The following PIEZO1 variants were observed in gnomAD, a reference collection of about 807,000 sequenced individuals.
The protein encoded by PIEZO1 is piezo type mechanosensitive ion channel component 1 (Er blood group).
In PIEZO1, 296 loss-of-function variants were observed where a neutral mutation model predicts 297.2. The observed-to-expected ratio is 1.00, with a 90% CI of 0.91 to 1.10. PIEZO1 has a LOEUF of 1.10. Among genes scored for constraint, PIEZO1 ranks in the 50% least tolerant of loss-of-function variants. The pLI is 0.00. For synonymous variants in PIEZO1, 2,427 were observed against 1,507.5 expected, an observed-to-expected ratio of 1.61 and a Z score of -14.13; for missense variants, 5,018 against 3,455.5, an observed-to-expected ratio of 1.45 and a Z score of -11.34.
chr16:88,741,445 T>G (rs1355316093), intron 5 of PIEZO1, 33 bp downstream of exon 5: 1 of 1,512,978 alleles, frequency 6.6e-7, no homozygotes, highest in Non-Finnish European at 8.8e-7. Flanking sequence ...TCGAATGACC[T>G]CCCTGACACA....
chr16:88,716,269 G>A lies in PIEZO1; in HGVS notation c.7058C>T (p.Pro2353Leu). The change falls in exon 49 of 51, where the codon CCT becomes CTT. Residue 2353 changes from proline to leucine, a missense_variant. Physicochemically the swap from Pro to Leu is moderately conservative, Grantham distance 98. Coordinates refer to ENST00000301015, the MANE Select transcript of PIEZO1 (RefSeq NM_001142864.4). The stretch of plus-strand genomic sequence containing the variant: ...ACGGATGTACTTGGGGAAGAGATTA[G>A]GGATGACCCTGCAGGGAGGTGCTGG... ...EGTSDQSVVI[P>L]NLFPKYIRAP... The A allele has an allele frequency of 1.3e-6, 2 of 1,491,194 alleles. No individual in the cohort carries two copies. Among genetic ancestry groups the A allele is most frequent in the Non-Finnish European group, 1.8e-6 (2 of 1,115,686 alleles). The allele number at this position is 1,491,194 out of a possible 1,614,324, so 92.4% of individuals were successfully genotyped here.
chr16:88,755,965 C>T (rs1002108587), intron 1 of PIEZO1, among the ~76,000 whole-genome samples: 7 of 152,138 alleles, frequency 4.6e-5, no homozygotes, highest in Non-Finnish European at 1.0e-4. Context: ...GCGGGGAGGG[C>T]GGGGGCCACC....
chr16:88,738,717 A>G lies in PIEZO1; in HGVS notation c.485T>C (p.Val162Ala), dbSNP rs1349025549. ...PRELDDDERDVDASPTAGLQE... is the reference protein window; with the variant it reads ...PRELDDDERDADASPTAGLQE... Reference sequence around the variant, plus strand: ...CAGCCCTGCCGTCGGGCTGGCATCCACATCCCTCTCATCATCATCCTGCCA... The same window carrying G: ...CAGCCCTGCCGTCGGGCTGGCATCCGCATCCCTCTCATCATCATCCTGCCA... The change falls in exon 6 of 51, where the codon GTG becomes GCG. Residue 162 changes from valine (V) to alanine (A), a missense_variant. Transcript: ENST00000301015. 2.6e-6 allele frequency: 4 copies of G among 1,532,766 alleles called. No homozygotes were observed. The Admixed American group carries it at 7.9e-5, about 30-fold the overall frequency. The allele number at this position is 1,532,766 out of a possible 1,614,324, so 94.9% of individuals were successfully genotyped here.
At chr16:88,725,799 T>C in intron 27 of PIEZO1, 115 bp from the exon 28 acceptor site, 1 of 651,822 alleles carries the variant, frequency 1.5e-6, no homozygotes, top group Non-Finnish European at 2.8e-6. Flanking sequence ...CTGCCCACGC[T>C]GGACAAGAGG....
In PIEZO1 at chr16:88,716,962, C is replaced by T. The variant is rs1332718742; in HGVS notation, c.6660+61G>A. On this transcript the variant is annotated intron_variant, in intron 45 of 50. Coordinates refer to ENST00000301015, the MANE Select transcript of PIEZO1 (RefSeq NM_001142864.4). ...CGTGGAGGAGCGGCTGGGGGTGGTG[C>T]ACCACCTTGGCCAGAACCCCCAGGG... 27 of 1,545,246 alleles carry T rather than the reference C, an allele frequency of 1.7e-5. No homozygotes were observed. In the East Asian group the frequency reaches 3.9e-4, roughly 22 times the overall value.
In PIEZO1 at chr16:88,715,690, T is replaced by C. The variant is rs914014470; in HGVS notation, c.7481A>G (p.Glu2494Gly). ...IFLVRETREL[E>G]LEEELYAKLI... ...CTTGGCGTACAACTCCTCCTCCAGCTCCAGCTCCCGAGTCTCCCGCACCAG... is the reference window on the plus strand; with the variant it reads ...CTTGGCGTACAACTCCTCCTCCAGCCCCAGCTCCCGAGTCTCCCGCACCAG... Residue 2494 changes from glutamate (E) to glycine (G), a missense_variant, in exon 51 of 51, where the codon GAG (glutamate) becomes GGG (glycine). By Grantham distance (98) the Glu-to-Gly change is moderately conservative. Coordinates refer to ENST00000301015, the MANE Select transcript of PIEZO1 (RefSeq NM_001142864.4). 9.7e-6 allele frequency: 15 copies of C among 1,550,242 alleles called. No individual in the cohort carries two copies. The highest frequency in any genetic ancestry group is 2.7e-5 in the African/African-American group (2 of 73,052).
intron 1 of PIEZO1, among the ~76,000 whole-genome samples, chr16:88,774,438 C>T (rs757528114): frequency 5.9e-5 from 9 of 152,168 alleles, no homozygotes; most frequent in African/African-American, 1.4e-4. Flanking sequence ...GAAAGACACC[C>T]GTGGGTGCTG....
intron 19 of PIEZO1, 85 bp from the exon 20 acceptor site, chr16:88,732,817 G>A: frequency 7.3e-7 from 1 of 1,361,046 alleles, no homozygotes; most frequent in Non-Finnish European, 9.9e-7. Flanking sequence ...CCACAGCTCT[G>A]GGGCAGGTCC....
chr16:88,716,138 A>G lies in PIEZO1; in HGVS notation c.7130-19T>C. On this transcript the variant is annotated intron_variant, in intron 49 of 50. Transcript: ENST00000301015. Reference sequence around the variant, plus strand: ...TCCTCATCTGGGATGGAGGGAGAAGATCGTTGAGGCCGCAGGTCACCCCTC... The same window carrying G: ...TCCTCATCTGGGATGGAGGGAGAAGGTCGTTGAGGCCGCAGGTCACCCCTC... 6.5e-7 allele frequency: 1 copy of G among 1,534,556 alleles called. No homozygotes were observed. The highest frequency in any genetic ancestry group is 8.8e-7 in the Non-Finnish European group (1 of 1,136,228).
Position 88,723,018 on chromosome 16 carries a change from G to A in PIEZO1, c.4496-9C>T. On this transcript the variant is annotated splice_polypyrimidine_tract_variant and intron_variant, in intron 33 of 50. Transcript: ENST00000301015. ...CACCACATGGCTCCGGCCTGCGGGA[G>A]GGCGGGAGGGGGCGCTGGAGGGGCA... The A allele has an allele frequency of 1.3e-6, 2 of 1,543,632 alleles. No individual in the cohort carries two copies. Among genetic ancestry groups the A allele is most frequent in the East Asian group, 2.4e-5 (1 of 40,832 alleles).
intron 1 of PIEZO1, among the ~76,000 whole-genome samples, chr16:88,760,562 G>A (rs1906882964): frequency 6.6e-6 from 1 of 152,210 alleles, no homozygotes; most frequent in African/African-American, 2.4e-5. Context: ...AGACAGGCAG[G>A]GATCCGAGGG....
At chr16:88,755,201 A>AGCCGCCCCC (rs1013104671) in intron 1 of PIEZO1, among the ~76,000 whole-genome samples, 15 of 152,164 alleles carry the variant, frequency 9.9e-5, no homozygotes, top group East Asian at 7.7e-4. Context: ...TGCGGCGAAC[A>AGCCGCCCCC]GCCGCCCCCG....
At position 88,723,161 on chromosome 16, in the gene PIEZO1, G is replaced by A. The variant is rs751074721; in HGVS notation, c.4439-10C>T. 1.9e-5 allele frequency: 29 copies of A among 1,549,334 alleles called. No individual in the cohort carries two copies. The highest frequency in any genetic ancestry group is 2.3e-5 in the Non-Finnish European group (26 of 1,146,832). Reference sequence around the variant, plus strand: ...TGGCTGGGACCACCTCCTGGGCACAGGATGCTGGTGAGTGACTGGCAGTCC... The same window carrying A: ...TGGCTGGGACCACCTCCTGGGCACAAGATGCTGGTGAGTGACTGGCAGTCC... On this transcript the variant is annotated splice_polypyrimidine_tract_variant and intron_variant, in intron 32 of 50. Transcript: ENST00000301015.
chr16:88,721,869 G>GC lies in PIEZO1; in HGVS notation c.5152dup (p.Ala1718GlyfsTer63). On this transcript the variant is annotated frameshift_variant, in exon 37 of 51. Coordinates refer to ENST00000301015, the MANE Select transcript of PIEZO1 (RefSeq NM_001142864.4). LOFTEE classifies it high-confidence loss of function. ...GCTGGGCCTCGGGATCGACAGCATG[G>GC]CCCACAGGAAGACGAGCACGGGCAG... The GC allele has an allele frequency of 6.5e-7, 1 of 1,549,958 alleles. No homozygotes were observed. Among genetic ancestry groups the GC allele is most frequent in the East Asian group, 2.4e-5 (1 of 40,902 alleles).
Position 88,722,636 on chromosome 16 carries a change from C to G in PIEZO1, c.4722G>C (p.Glu1574Asp). ...VLDQLYTSQA[E>D]ATLPGPTEAP... The stretch of plus-strand genomic sequence containing the variant: ...CCTCGGTGGGGCCTGGCAGCGTGGC[C>G]TCGGCCTGGCTTGTGTACAGCTGAT... Residue 1574 changes from glutamate to aspartate, a missense_variant, in exon 35 of 51, where the codon GAG (glutamate) becomes GAC (aspartate). Physicochemically the swap from Glu to Asp is conservative, Grantham distance 45. Transcript: ENST00000301015. 6.5e-7 allele frequency: 1 copy of G among 1,538,556 alleles called. No homozygotes were observed. The highest frequency in any genetic ancestry group is 8.7e-7 in the Non-Finnish European group (1 of 1,146,170).
intron 1 of PIEZO1, among the ~76,000 whole-genome samples, chr16:88,778,239 C>A (rs982539201): frequency 1.3e-5 from 2 of 152,180 alleles, no homozygotes; most frequent in East Asian, 3.9e-4. Flanking sequence ...CACCGAGAGC[C>A]GGCCTTGTTC....
rs566700909 is a variant in PIEZO1 at position 88,736,947 on chromosome 16, G to A, written c.1196-208C>T. 78 of 465,194 alleles carry A rather than the reference G, an allele frequency of 1.7e-4. 1 individual carries two copies. In the South Asian group the frequency reaches 2.2e-3, roughly 13 times the overall value. The allele number at this position is 465,194 out of a possible 1,614,324, so 28.8% of individuals were successfully genotyped here. On this transcript the variant is annotated intron_variant, in intron 10 of 50. Coordinates refer to ENST00000301015, the MANE Select transcript of PIEZO1 (RefSeq NM_001142864.4). ...GCCCTGCCAGCACCTGCCGTTCTCT[G>A]GGCCTCACTTTCCTTGAAAGGGTGG...
intron 1 of PIEZO1, among the ~76,000 whole-genome samples, chr16:88,752,180 C>A (rs115256545): frequency 2.0e-5 from 3 of 152,320 alleles, no homozygotes; most frequent in South Asian, 4.1e-4. Flanking sequence ...CCCTTCAATG[C>A]GGCTAACGTG....
In PIEZO1 at chr16:88,742,094, G is replaced by A; in HGVS notation, c.285C>T (p.Cys95=). Residue 95 remains cysteine (C), a splice_region_variant and synonymous_variant, in exon 4 of 51, where the codon TGC becomes TGT. Coordinates refer to ENST00000301015, the MANE Select transcript of PIEZO1 (RefSeq NM_001142864.4). Reference sequence around the variant, plus strand: ...GTCGCGAGAGGGTCTCCCAGCGGCTGCCTGCAGAGAAAGACGGGGGAACCC... The same window carrying A: ...GTCGCGAGAGGGTCTCCCAGCGGCTACCTGCAGAGAAAGACGGGGGAACCC... ...PRLDQLLGPS[C]SRWETLSRHI... is the part of the protein sequence containing the mutation. 2.0e-6 allele frequency: 3 copies of A among 1,535,946 alleles called. No individual in the cohort carries two copies. The highest frequency in any genetic ancestry group is 2.6e-6 in the Non-Finnish European group (3 of 1,146,752).
Sources: allele counts gnomAD v4.1 joint callset (sites outside exome capture counted in the v4.1 genomes callset), GRCh38; gene constraint gnomAD v4.1.1; transcripts MANE v1.5; gene names NCBI Gene and HGNC (gene_info 2026-07-23, HGNC 2026-07-21).